The following MTUS1 variants were observed in gnomAD, a reference collection of about 807,000 sequenced individuals.
MTUS1 encodes microtubule associated scaffold protein 1, also known as microtubule-associated tumor suppressor 1.
A neutral mutation model predicts 120.8 loss-of-function variants in MTUS1; 109 were observed. The ratio of observed to expected loss-of-function variants is 0.90; its 90% confidence interval spans 0.77 to 1.06. The LOEUF (loss-of-function observed/expected upper bound fraction) is 1.06, where lower values mean the gene tolerates loss of function less well. MTUS1 is among the 50% of genes least tolerant of loss of function. The pLI is 0.00. For synonymous variants in MTUS1, 737 were observed against 550.5 expected (o/e 1.34, Z -4.74); for missense variants, 2,210 against 1,486.3 (o/e 1.49, Z -8.01).
intron 1 of MTUS1, 59 bp from the exon 2 acceptor site, chr8:17,756,020 T>A (rs1186643276): frequency 1.8e-6 from 2 of 1,094,744 alleles, no homozygotes; most frequent in Non-Finnish European, 2.4e-6. Context: ...AGGCCACCCC[T>A]TGGTTTCAAT....
intron 1 of MTUS1, 166 bp downstream of exon 1, chr8:17,800,895 C>T (rs1251101631): frequency 6.5e-6 from 1 of 152,746 alleles, no homozygotes; most frequent in Non-Finnish European, 1.5e-5. Context: ...CGCCTCCGCT[C>T]CGCCGGCGCT....
chr8:17,755,611 G>GTT lies in MTUS1; in HGVS notation c.196_197insAA (p.Thr66LysfsTer8). On this transcript the variant is annotated frameshift_variant, in exon 2 of 15. Coordinates refer to ENST00000693296, the MANE Select transcript of MTUS1 (RefSeq NM_001363059.2). LOFTEE classifies it high-confidence loss of function. ...AAGGCTTAAAGAAATATTTTCACCAGTAACTACAGCAGGGTCAGTTTCATA... is the reference window on the plus strand; with the variant it reads ...AAGGCTTAAAGAAATATTTTCACCAGTTTAACTACAGCAGGGTCAGTTTCATA... The GTT allele has an allele frequency of 6.2e-7, 1 of 1,614,172 alleles. No homozygotes were observed. Among genetic ancestry groups the GTT allele is most frequent in the Non-Finnish European group, 8.5e-7 (1 of 1,180,022 alleles).
Position 17,755,650 on chromosome 8 carries a change from T to A in MTUS1, c.158A>T (p.Asp53Val), listed in dbSNP as rs749610313. Reference sequence around the variant, plus strand: ...GTCAGTTTCATAATCAACCACCATGTCATCTGGGTTGGCAGAATTCCAGTT... The same window carrying A: ...GTCAGTTTCATAATCAACCACCATGACATCTGGGTTGGCAGAATTCCAGTT... ...SVNWNSANPD[D>V]MVVDYETDPA... Residue 53 changes from aspartate to valine, a missense_variant, in exon 2 of 15, where the codon GAC becomes GTC. Transcript: ENST00000693296. 6.2e-7 allele frequency: 1 copy of A among 1,614,212 alleles called. No homozygotes were observed. Among genetic ancestry groups the A allele is most frequent in the Non-Finnish European group, 8.5e-7 (1 of 1,180,016 alleles).
Position 17,647,312 on chromosome 8 carries a change from G to A in MTUS1, c.3502-233C>T, listed in dbSNP as rs1014989877. 7 of 424,532 alleles carry A rather than the reference G, an allele frequency of 1.6e-5. No homozygotes were observed. The South Asian group carries it at 2.5e-4, about 15-fold the overall frequency. The allele number at this position is 424,532 out of a possible 1,614,324, so 26.3% of individuals were successfully genotyped here. A position where few individuals can be genotyped will look rare whatever the true frequency, so the allele number is the denominator to read the frequency against. On this transcript the variant is annotated intron_variant, in intron 13 of 14. Coordinates refer to ENST00000693296, the MANE Select transcript of MTUS1 (RefSeq NM_001363059.2). ...CCAGGACACTTAAATATTGATACGA[G>A]TGGGTAACAGATTTGTTCCAGGTCA...
intron 1 of MTUS1, among the ~76,000 whole-genome samples, chr8:17,773,091 G>T (rs1179016763): frequency 6.6e-6 from 1 of 152,078 alleles, no homozygotes; most frequent in African/African-American, 2.4e-5. Flanking sequence ...TTAGGCTGAA[G>T]GACTATTATT....
At chr8:17,646,678 A>T (rs1805859820) in intron 14 of MTUS1, among the ~76,000 whole-genome samples, 2 of 152,148 alleles carry the variant, frequency 1.3e-5, no homozygotes, top group East Asian at 3.8e-4. Flanking sequence ...TTTTATGACT[A>T]CCTTATGTTG....
chr8:17,789,761 G>A (rs575913263), intron 1 of MTUS1, among the ~76,000 whole-genome samples: 1 of 152,262 alleles, frequency 6.6e-6, no homozygotes, highest in Non-Finnish European at 1.5e-5. Context: ...TTAACTCACA[G>A]CAGCAGCCCA....
At chr8:17,662,175 A>T (rs1381686389) in intron 8 of MTUS1, among the ~76,000 whole-genome samples, 1 of 152,008 alleles carries the variant, frequency 6.6e-6, no homozygotes, top group South Asian at 2.1e-4. Flanking sequence ...TCCTCAGCCT[A>T]GTCTCTTCTT....
At chr8:17,775,596 A>C (rs2050359803) in intron 1 of MTUS1, among the ~76,000 whole-genome samples, 1 of 152,258 alleles carries the variant, frequency 6.6e-6, no homozygotes, top group African/African-American at 2.4e-5. Flanking sequence ...ATCTTCAATG[A>C]AATTCTCACT....
chr8:17,756,260 G>C (rs1479977586), intron 1 of MTUS1, among the ~76,000 whole-genome samples: 3 of 152,204 alleles, frequency 2.0e-5, no homozygotes, highest in African/African-American at 7.2e-5. Flanking sequence ...TTGTCAAAGA[G>C]AGGAGGAGGT....
In MTUS1 at chr8:17,644,567, C is replaced by T. The variant is rs1483660351; in HGVS notation, c.*1359G>A. On this transcript the variant is annotated 3_prime_UTR_variant, in exon 15 of 15. Coordinates refer to ENST00000693296, the MANE Select transcript of MTUS1 (RefSeq NM_001363059.2). ...AGAGTTGGACAAGCCACATTTTCCA[C>T]TCATGGGAAAGAAGCGGACCATTCT... 1 of 152,418 alleles carries T rather than the reference C, an allele frequency of 6.6e-6. No homozygotes were observed. Among genetic ancestry groups the T allele is most frequent in the Non-Finnish European group, 1.5e-5 (1 of 68,048 alleles). The allele number at this position is 152,418 out of a possible 1,614,324, so 9.4% of individuals were successfully genotyped here. A position where few individuals can be genotyped will look rare whatever the true frequency, so the allele number is the denominator to read the frequency against.
Position 17,753,974 on chromosome 8 carries a change from G to A in MTUS1, c.1834C>T (p.Gln612Ter), listed in dbSNP as rs752920075. ...PRTTSAVKSN[Q>*]EDVDKASSSN... ...GAACTGGCTTTGTCAACATCTTCCT[G>A]ATTCGATTTCACGGCAGATGTTGTT... The change falls in exon 2 of 15, where the codon CAG becomes TAG. Residue 612 changes from glutamine to a stop codon, truncating the protein, a stop_gained. Transcript: ENST00000693296. LOFTEE classifies it high-confidence loss of function. 1.2e-5 allele frequency: 20 copies of A among 1,614,048 alleles called. No individual in the cohort carries two copies. Among genetic ancestry groups the A allele is most frequent in the Admixed American group, 5.0e-5 (3 of 60,002 alleles).
chr8:17,751,778 A>C (rs1336296627), intron 2 of MTUS1, among the ~76,000 whole-genome samples: 1 of 150,134 alleles, frequency 6.7e-6, no homozygotes, highest in Non-Finnish European at 1.5e-5. Context: ...GAATTGCTTG[A>C]ACCTGGGAGG....
intron 5 of MTUS1, among the ~76,000 whole-genome samples, chr8:17,714,340 A>G (rs1311094548): frequency 3.3e-5 from 5 of 152,184 alleles, no homozygotes; most frequent in Non-Finnish European, 5.9e-5. Flanking sequence ...AGAGAGAGAG[A>G]GACATGTTAA....
intron 6 of MTUS1, among the ~76,000 whole-genome samples, chr8:17,689,505 C>G (rs184365552): frequency 6.6e-6 from 1 of 152,126 alleles, no homozygotes; most frequent in Admixed American, 6.5e-5. Context: ...CAAACTTGCC[C>G]TAAACTATTT....
At chr8:17,697,320 C>A in intron 6 of MTUS1, 1 of 1,614,120 alleles carries the variant, frequency 6.2e-7, no homozygotes, top group Non-Finnish European at 8.5e-7. Context: ...CGAAGCAATC[C>A]TTTGGCCGTC....
At chr8:17,724,608 G>C (rs546945135) in intron 3 of MTUS1, among the ~76,000 whole-genome samples, 1 of 152,106 alleles carries the variant, frequency 6.6e-6, no homozygotes, top group South Asian at 2.1e-4. Context: ...CCACTTATCA[G>C]TGAAATAAAT....
At chr8:17,673,334 G>A (rs1261383653) in intron 8 of MTUS1, among the ~76,000 whole-genome samples, 1 of 152,122 alleles carries the variant, frequency 6.6e-6, no homozygotes, top group Non-Finnish European at 1.5e-5. Context: ...TCCATAAAGA[G>A]GCCTTCATTT....
intron 3 of MTUS1, among the ~76,000 whole-genome samples, chr8:17,739,105 T>C (rs1013506184): frequency 3.9e-5 from 6 of 152,108 alleles, no homozygotes; most frequent in Non-Finnish European, 4.4e-5. Context: ...GTGGAGTCAG[T>C]GCACTCCGGC....
Sources: gnomAD v4.1 joint callset for allele counts (sites outside exome capture counted in the v4.1 genomes callset) on GRCh38, gnomAD v4.1.1 for gene constraint, MANE v1.5 for transcripts, NCBI Gene and HGNC (gene_info 2026-07-23, HGNC 2026-07-21) for gene names.